The following MAGI1 variants were observed in gnomAD, a reference collection of about 807,000 sequenced individuals.
MAGI1 encodes membrane associated guanylate kinase, WW and PDZ domain containing 1.
A neutral mutation model predicts 139.9 loss-of-function variants in MAGI1; 58 were observed. That is an observed-to-expected ratio of 0.41 (90% CI 0.34 to 0.52). The LOEUF is 0.52. Ranked by LOEUF, MAGI1 falls within the 20% of genes least tolerant of loss-of-function variation. The probability of loss-of-function intolerance (pLI) is 0.12; values close to 1 mark genes in which losing one functional copy is unlikely to be tolerated. For synonymous variants in MAGI1, 812 were observed against 737.9 expected, an observed-to-expected ratio of 1.10 and a Z score of -1.63; for missense variants, 1,874 against 1,901.6, an observed-to-expected ratio of 0.99 and a Z score of 0.27.
Position 65,379,490 on chromosome 3 carries a change from G to A in MAGI1, c.2766C>T (p.Ala922=), listed in dbSNP as rs201017105. ...GAGTGCGCTTCTCTTCTGTCAGCGA[G>A]GCCGGCTGGTTGCTACTGTGATGAG... ...ASSHHSSNQP[A]SLTEEKRTPQ... The change falls in exon 17 of 23, where the codon GCC becomes GCT. Residue 922 remains alanine (A), a synonymous_variant. Coordinates refer to ENST00000402939, the MANE Select transcript of MAGI1 (RefSeq NM_001033057.2). The A allele has an allele frequency of 6.2e-6, 10 of 1,614,016 alleles. No individual in the cohort carries two copies. The East Asian group carries it at 6.7e-5, about 11-fold the overall frequency.
chr3:65,672,315 T>C (rs973501321), intron 1 of MAGI1, among the ~76,000 whole-genome samples: 6 of 152,226 alleles, frequency 3.9e-5, no homozygotes, highest in African/African-American at 2.4e-5. Flanking sequence ...ATCTGTTCCA[T>C]GGCAAGAAAG....
chr3:65,530,661 G>GTA (rs1296422725), intron 2 of MAGI1, among the ~76,000 whole-genome samples: 2 of 92,886 alleles, frequency 2.2e-5, no homozygotes, highest in African/African-American at 8.9e-5. Context: ...GTGTGTGTGT[G>GTA]TATATATATA....
intron 1 of MAGI1, among the ~76,000 whole-genome samples, chr3:65,681,868 GTTTT>G (rs2087613871): frequency 6.6e-6 from 1 of 151,880 alleles, no homozygotes. Flanking sequence ...TTTTTTTGTT[GTTTT>G]TTTATTAATT....
At chr3:65,639,472 T>C (rs940231859) in intron 1 of MAGI1, among the ~76,000 whole-genome samples, 3 of 152,056 alleles carry the variant, frequency 2.0e-5, no homozygotes, top group Non-Finnish European at 4.4e-5. Flanking sequence ...GGTATTTGAG[T>C]TTCGGGAAGT....
intron 2 of MAGI1, among the ~76,000 whole-genome samples, chr3:65,569,324 G>A (rs565774939): frequency 6.6e-6 from 1 of 152,316 alleles, no homozygotes; most frequent in Admixed American, 6.5e-5. Flanking sequence ...TAGTTTCAGT[G>A]TAGGATGATG....
chr3:65,978,621 CT>C (rs373662388), intron 1 of MAGI1, among the ~76,000 whole-genome samples: 16,507 of 128,952 alleles, frequency 0.13, 631 homozygotes, highest in East Asian at 0.24. Flanking sequence ...CTCAAAATTT[CT>C]TTTTTTTTTT....
intron 3 of MAGI1, among the ~76,000 whole-genome samples, chr3:65,480,474 A>C (rs1951204068): frequency 6.6e-6 from 1 of 151,898 alleles, no homozygotes; most frequent in African/African-American, 2.4e-5. Flanking sequence ...AGTCAAGGAT[A>C]CAGTAAGCAG....
intron 14 of MAGI1, among the ~76,000 whole-genome samples, chr3:65,389,184 C>A (rs866198496): frequency 6.6e-6 from 1 of 152,064 alleles, no homozygotes; most frequent in African/African-American, 2.4e-5. Context: ...AACTTCAGTA[C>A]TTACAGTAGC....
At chr3:65,399,064 C>G (rs561973624) in intron 13 of MAGI1, among the ~76,000 whole-genome samples, 1 of 151,982 alleles carries the variant, frequency 6.6e-6, no homozygotes, top group Non-Finnish European at 1.5e-5. Context: ...CCAACATTGT[C>G]AGGAGCCTCT....
chr3:65,808,163 TTAGTAGAGACACG>T (rs2040995541), intron 1 of MAGI1, among the ~76,000 whole-genome samples: 1 of 152,078 alleles, frequency 6.6e-6, no homozygotes, highest in Non-Finnish European at 1.5e-5. Flanking sequence ...TTTTGTATTT[TTAGTAGAGACACG>T]GTTTCTCCTT....
intron 2 of MAGI1, among the ~76,000 whole-genome samples, chr3:65,496,838 T>G (rs1413261365): frequency 6.6e-6 from 1 of 152,204 alleles, no homozygotes; most frequent in Non-Finnish European, 1.5e-5. Flanking sequence ...TTAAAAAGTA[T>G]GTCAGCTCAT....
At chr3:65,653,850 T>TA (rs1211903500) in intron 1 of MAGI1, among the ~76,000 whole-genome samples, 2 of 152,210 alleles carry the variant, frequency 1.3e-5, no homozygotes, top group Non-Finnish European at 2.9e-5. Flanking sequence ...TCACTGCACT[T>TA]ACCATGTGAC....
At chr3:65,842,377 T>G (rs1575671962) in intron 1 of MAGI1, among the ~76,000 whole-genome samples, 2 of 137,492 alleles carry the variant, frequency 1.5e-5, no homozygotes, top group Admixed American at 7.6e-5. Flanking sequence ...TTTTTTTTTT[T>G]GACACGGAGT....
rs188959746 is a variant in MAGI1 at position 65,830,131 on chromosome 3, A to G, written c.313+207865T>C. Reference sequence around the variant, plus strand: ...CAGCACTGCCCAGATCTTTAATATGAAAGCCAGTGTCGTGGATTGAAAACT... The same window carrying G: ...CAGCACTGCCCAGATCTTTAATATGGAAGCCAGTGTCGTGGATTGAAAACT... On this transcript the variant is annotated intron_variant, in intron 1 of 22. Coordinates refer to ENST00000402939, the MANE Select transcript of MAGI1 (RefSeq NM_001033057.2). Among the ~76,000 whole-genome samples, 390 of 152,328 alleles carry G rather than the reference A, an allele frequency of 2.6e-3. 1 individual carries two copies. Among genetic ancestry groups the G allele is most frequent in the African/African-American group, 9.0e-3 (374 of 41,578 alleles).
At position 65,741,255 on chromosome 3, in the gene MAGI1, A is replaced by G. The variant is rs573528086; in HGVS notation, c.314-119167T>C. On this transcript the variant is annotated intron_variant, in intron 1 of 22. Transcript: ENST00000402939. ...AGTGGCGCGATCTCGGCTCACTGCA[A>G]CCTCCGCCTCCCAGGTTCACGCCAT... Among the ~76,000 whole-genome samples, 11 of 151,798 alleles carry G rather than the reference A, an allele frequency of 7.2e-5. No homozygotes were observed. The South Asian group carries it at 1.5e-3, about 20-fold the overall frequency.
intron 1 of MAGI1, among the ~76,000 whole-genome samples, chr3:65,725,544 C>A (rs1474931575): frequency 1.3e-5 from 2 of 152,136 alleles, no homozygotes; most frequent in Admixed American, 6.6e-5. Flanking sequence ...GTGGCTGGGG[C>A]TCGACAACTT....
At chr3:65,559,968 C>T (rs1028617469) in intron 2 of MAGI1, among the ~76,000 whole-genome samples, 34 of 152,206 alleles carry the variant, frequency 2.2e-4, no homozygotes, top group Middle Eastern at 3.4e-3. Flanking sequence ...CCCGGCAAGT[C>T]GTGGCTACAA....
intron 2 of MAGI1, among the ~76,000 whole-genome samples, chr3:65,537,889 G>A (rs867181158): frequency 5.9e-5 from 9 of 152,074 alleles, no homozygotes; most frequent in African/African-American, 1.7e-4. Context: ...AGGCCAAGGC[G>A]GTCGGATCAC....
chr3:65,755,630 C>T (rs556618411), intron 1 of MAGI1, among the ~76,000 whole-genome samples: 5 of 152,130 alleles, frequency 3.3e-5, no homozygotes, highest in African/African-American at 1.2e-4. Context: ...GTAAATGAGA[C>T]CCAAGGTTAC....
Sources: gnomAD v4.1 joint callset for allele counts (sites outside exome capture counted in the v4.1 genomes callset) on GRCh38, gnomAD v4.1.1 for gene constraint, MANE v1.5 for transcripts, NCBI Gene and HGNC (gene_info 2026-07-23, HGNC 2026-07-21) for gene names.